Variants in CFAP119 observed in about 807,000 individuals in gnomAD.
The protein encoded by CFAP119 is cilia- and flagella-associated protein 119.
At chr16:30,759,887 T>C in the CFAP119 span, 4 of 1,446,538 alleles carry the variant, frequency 2.8e-6, no homozygotes, top group Non-Finnish European at 3.6e-6. Context: ...ATACCCACTA[T>C]ATGCCCACTG....
the CFAP119 span, chr16:30,761,539 C>T: frequency 6.5e-7 from 1 of 1,536,164 alleles, no homozygotes; most frequent in Non-Finnish European, 8.7e-7. Context: ...ACTGTCCCGC[C>T]CTCACCGGAA....
chr16:30,760,472 G>A, the CFAP119 span: 9 of 1,613,280 alleles, frequency 5.6e-6, no homozygotes, highest in Non-Finnish European at 7.6e-6. Context: ...GGAGAGAGGA[G>A]TGAGTGACAA....
At chr16:30,757,949 A>C in the CFAP119 span, 2 of 544,468 alleles carry the variant, frequency 3.7e-6, no homozygotes, top group Non-Finnish European at 5.6e-6. Flanking sequence ...GTGGATAGTG[A>C]TACCTAGCAC....
At chr16:30,761,206 G>A in the CFAP119 span, 6 of 1,613,898 alleles carry the variant, frequency 3.7e-6, no homozygotes, top group Non-Finnish European at 5.1e-6. Flanking sequence ...ACCACATGCA[G>A]ATCCGGGGTC....
chr16:30,760,605 C>G, the CFAP119 span: 1 of 1,558,584 alleles, frequency 6.4e-7, no homozygotes, highest in South Asian at 1.2e-5. Context: ...TCAGTCCCTA[C>G]TCCCTCATCT....
chr16:30,760,542 G>C, the CFAP119 span: 4 of 1,599,022 alleles, frequency 2.5e-6, no homozygotes, highest in East Asian at 6.8e-5. Context: ...CATTCCTCAT[G>C]TTTTCCCAAC....
the CFAP119 span, chr16:30,761,590 C>A: frequency 1.3e-6 from 2 of 1,536,178 alleles, no homozygotes; most frequent in South Asian, 2.4e-5. Flanking sequence ...TCGCCGCCGC[C>A]GCCGTCGTCC....
the CFAP119 span, chr16:30,761,477 A>G: frequency 5.9e-6 from 9 of 1,526,648 alleles, no homozygotes; most frequent in Non-Finnish European, 7.0e-6. Context: ...AAGCATAATG[A>G]CAGGTGGCGC....
chr16:30,757,614 C>T, the CFAP119 span: 5 of 1,614,028 alleles, frequency 3.1e-6, no homozygotes, highest in African/African-American at 6.7e-5. Context: ...GCTCTTTGTT[C>T]ACTTGGGTCT....
At chr16:30,759,967 A>AC in the CFAP119 span, 24 of 1,450,732 alleles carry the variant, frequency 1.7e-5, no homozygotes, top group Non-Finnish European at 2.2e-5. Context: ...AGGGGAATAA[A>AC]CCAAGAAATA....
the CFAP119 span, chr16:30,758,021 C>T: frequency 1.0e-5 from 2 of 194,790 alleles, no homozygotes; most frequent in African/African-American, 2.4e-5. Flanking sequence ...AGGGCATGCA[C>T]TGCACACCTA....
At chr16:30,759,092 T>G in the CFAP119 span, 22 of 1,614,196 alleles carry the variant, frequency 1.4e-5, no homozygotes, top group Non-Finnish European at 1.8e-5. Flanking sequence ...CTCCTTGCTT[T>G]CTTCTTTCTC....
At chr16:30,759,920 G>C in the CFAP119 span, 1 of 1,440,436 alleles carries the variant, frequency 6.9e-7, no homozygotes, top group East Asian at 2.5e-5. Context: ...CACTGAACAA[G>C]ACAGACAAGG....
At chr16:30,760,814 C>T in the CFAP119 span, 5 of 715,526 alleles carry the variant, frequency 7.0e-6, no homozygotes, top group South Asian at 8.0e-5. Flanking sequence ...AAATCGTTAA[C>T]TCTCTGGGCC....
the CFAP119 span, chr16:30,759,473 C>G: frequency 6.2e-7 from 1 of 1,613,978 alleles, no homozygotes; most frequent in East Asian, 2.2e-5. Context: ...GGTGGTGACT[C>G]GGAATTAGAA....
At chr16:30,759,124 G>C in the CFAP119 span, 1 of 1,614,188 alleles carries the variant, frequency 6.2e-7, no homozygotes, top group Non-Finnish European at 8.5e-7. Flanking sequence ...AGCAGGAAGA[G>C]ACTGTGGCCC....
the CFAP119 span, chr16:30,758,892 G>C: frequency 6.7e-7 from 1 of 1,491,978 alleles, no homozygotes; most frequent in Non-Finnish European, 8.9e-7. Flanking sequence ...CTGCATAAGG[G>C]ATCATTTAGA....
At chr16:30,761,069 C>T in the CFAP119 span, 2 of 1,078,668 alleles carry the variant, frequency 1.9e-6, no homozygotes, top group Non-Finnish European at 2.7e-6. Context: ...TTCCAGTCAC[C>T]TGGAGTAATT....
At chr16:30,761,492 G>T in the CFAP119 span, 33 of 1,531,682 alleles carry the variant, frequency 2.2e-5, no homozygotes, top group East Asian at 6.9e-4. Flanking sequence ...TGGCGCCTGC[G>T]GGGGAGCCGG....
Sources: allele counts gnomAD v4.1 joint callset, GRCh38; gene constraint gnomAD v4.1.1; transcripts MANE v1.5; gene names NCBI Gene and HGNC (gene_info 2026-07-23, HGNC 2026-07-21).